Variants in UVSSA observed in about 807,000 individuals in gnomAD.
UVSSA encodes UV stimulated scaffold protein A.
UVSSA carries 72 observed loss-of-function variants against 73.9 expected under a neutral mutation model. That is an observed-to-expected ratio of 0.97 (90% CI 0.81 to 1.19). The LOEUF (loss-of-function observed/expected upper bound fraction) is 1.19. Among genes scored for constraint, UVSSA ranks in the 50% most tolerant of loss-of-function variants. The pLI, the probability that UVSSA is intolerant of heterozygous loss-of-function variation, is 0.00. For missense variants in UVSSA, 1,150 were observed against 965.0 expected (o/e 1.19, Z -2.54); for synonymous variants, 454 against 391.3 (o/e 1.16, Z -1.89).
intron 7 of UVSSA, among the ~76,000 whole-genome samples, chr4:1,362,754 G>A (rs555917691): frequency 1.2e-3 from 185 of 152,310 alleles, no homozygotes; most frequent in Non-Finnish European, 2.0e-3. Context: ...AACTGGAGGC[G>A]TGTGGGACCA....
In UVSSA at chr4:1,386,917, C is replaced by T. The variant is rs988728737; in HGVS notation, c.*956C>T. 1.3e-5 allele frequency: 2 copies of T among 151,704 alleles called. No individual in the cohort carries two copies. The highest frequency in any genetic ancestry group is 2.9e-5 in the Non-Finnish European group (2 of 67,972). 9.4% of individuals were successfully genotyped at this position (151,704 alleles called of 1,614,324 possible). On this transcript the variant is annotated 3_prime_UTR_variant, in exon 14 of 14. Transcript: ENST00000389851. ...AATTTTTTGTAGAGATGAGGTCTCA[C>T]TGTGTTGCCCACGGTGATCTCGAAC...
rs188495078 is a variant in UVSSA, at chr4:1,371,687, G to A, written c.1289-3677G>A. 3.3e-5 allele frequency among the ~76,000 whole-genome samples: 5 copies of A among 152,298 alleles called. No individual in the cohort carries two copies. The South Asian group carries it at 6.2e-4, about 19-fold the overall frequency. Reference sequence around the variant, plus strand: ...AGAGGGCTTGTGCGGAGAAACTCCCGCTTTTACAGCCGTCAGATCTCGTGA... The same window carrying A: ...AGAGGGCTTGTGCGGAGAAACTCCCACTTTTACAGCCGTCAGATCTCGTGA... On this transcript the variant is annotated intron_variant, in intron 8 of 13. Coordinates refer to ENST00000389851, the MANE Select transcript of UVSSA (RefSeq NM_020894.4).
chr4:1,360,225 A>G (rs186971428), intron 7 of UVSSA, among the ~76,000 whole-genome samples: 166 of 152,292 alleles, frequency 1.1e-3, no homozygotes, highest in African/African-American at 3.8e-3. Context: ...CAGCACAGGG[A>G]ACACGGGGAG....
chr4:1,394,419 C>T, exon 14 of UVSSA: 1 of 1,575,868 alleles, frequency 6.3e-7, no homozygotes, highest in Non-Finnish European at 8.7e-7. Context: ...ATATTGAAAT[C>T]ATTGATCTAC....
chr4:1,383,997 C>T lies in UVSSA; in HGVS notation c.2036+57C>T, dbSNP rs893379752. On this transcript the variant is annotated intron_variant, in intron 13 of 13. Coordinates refer to ENST00000389851, the MANE Select transcript of UVSSA (RefSeq NM_020894.4). ...CGTGGCCCCCCCGTGTGAGGGTGTT[C>T]GAGGGGGGCCATCTGAGCGCCAAGA... The T allele has an allele frequency of 5.2e-5, 80 of 1,526,220 alleles. 1 individual carries two copies. Among genetic ancestry groups the T allele is most frequent in the East Asian group, 1.6e-4 (7 of 43,096 alleles). The allele number at this position is 1,526,220 out of a possible 1,614,324, so 94.5% of individuals were successfully genotyped here. A position where few individuals can be genotyped will look rare whatever the true frequency, so the allele number is the denominator to read the frequency against.
chr4:1,392,406 G>C (rs1033688026), downstream of UVSSA: 1 of 152,240 alleles, frequency 6.6e-6, no homozygotes, highest in Non-Finnish European at 1.5e-5. Flanking sequence ...TGCTCTTTGT[G>C]TGGATTTGAG....
intron 6 of UVSSA, 131 bp downstream of exon 6, chr4:1,354,978 C>G: frequency 6.5e-7 from 1 of 1,527,420 alleles, no homozygotes; most frequent in South Asian, 1.2e-5. Flanking sequence ...CTCTGTCCCT[C>G]ACCCGCAGCT....
Position 1,386,321 on chromosome 4 carries a change from C to T in UVSSA, c.*360C>T, listed in dbSNP as rs116685682. On this transcript the variant is annotated 3_prime_UTR_variant, in exon 14 of 14. Coordinates refer to ENST00000389851, the MANE Select transcript of UVSSA (RefSeq NM_020894.4). ...CTCAGCCTTCAGAGCGTGCATTCCCCAGCCAGGAGGCGACCACTCAGAGGA... is the reference window on the plus strand; with the variant it reads ...CTCAGCCTTCAGAGCGTGCATTCCCTAGCCAGGAGGCGACCACTCAGAGGA... The T allele has an allele frequency of 0.012, 2,371 of 202,370 alleles. 53 individuals carry two copies. The highest frequency in any genetic ancestry group is 0.059 in the Admixed American group (1,104 of 18,862). 12.5% of individuals were successfully genotyped at this position (202,370 alleles called of 1,614,324 possible). A position where few individuals can be genotyped will look rare whatever the true frequency, so the allele number is the denominator to read the frequency against.
chr4:1,373,366 T>C (rs1447041735), intron 8 of UVSSA, among the ~76,000 whole-genome samples: 2 of 152,120 alleles, frequency 1.3e-5, no homozygotes, highest in African/African-American at 2.4e-5. Context: ...GTCCCTCCTT[T>C]TCACGTTTGC....
At chr4:1,368,990 C>A (rs1717686808) in intron 8 of UVSSA, among the ~76,000 whole-genome samples, 1 of 152,184 alleles carries the variant, frequency 6.6e-6, no homozygotes, top group African/African-American at 2.4e-5. Flanking sequence ...GTGCCTTAGA[C>A]CTGCCCCGGT....
intron 8 of UVSSA, among the ~76,000 whole-genome samples, chr4:1,368,768 G>C (rs138862158): frequency 3.3e-5 from 5 of 152,378 alleles, no homozygotes; most frequent in Admixed American, 2.0e-4. Context: ...TGTGTCTCCA[G>C]CTCAGGCCCC....
In UVSSA at chr4:1,375,360, T is replaced by G. The variant is rs1046777236; in HGVS notation, c.1289-4T>G. On this transcript the variant is annotated splice_polypyrimidine_tract_variant and splice_region_variant and intron_variant, in intron 8 of 13. Coordinates refer to ENST00000389851, the MANE Select transcript of UVSSA (RefSeq NM_020894.4). ...GGCAGGGAGTGGACACGTGTCTGTT[T>G]CAGGGCTGGAGGCAGCACCAGAGAA... 2 of 1,613,106 alleles carry G rather than the reference T, an allele frequency of 1.2e-6. No individual in the cohort carries two copies. The highest frequency in any genetic ancestry group is 1.6e-4 in the Middle Eastern group (1 of 6,072).
intron 8 of UVSSA, 21 bp from the exon 9 acceptor site, chr4:1,375,343 G>A (rs757795067): frequency 2.5e-6 from 4 of 1,612,034 alleles, no homozygotes; most frequent in Non-Finnish European, 2.5e-6. Flanking sequence ...GTGGCAGGGA[G>A]TGGACACGTG....
chr4:1,383,988 G>A (rs773956188), intron 13 of UVSSA, 48 bp downstream of exon 13: 66 of 1,540,618 alleles, frequency 4.3e-5, no homozygotes, highest in Non-Finnish European at 5.3e-5. Flanking sequence ...CCCCCCGTGT[G>A]AGGGTGTTCG....
At chr4:1,372,669 T>TCCTCCCGCGTCCCTGCACTCA (rs1418438791) in intron 8 of UVSSA, among the ~76,000 whole-genome samples, 58 of 107,482 alleles carry the variant, frequency 5.4e-4, no homozygotes, top group African/African-American at 2.7e-3. Context: ...TGCTCAGTGT[T>TCCTCCCGCGTCCCTGCACTCA]CCTCCCGCGT....
At position 1,347,364 on chromosome 4, in the gene UVSSA, G is replaced by A. The variant is rs898108106; in HGVS notation, c.-399G>A. The A allele has an allele frequency of 2.0e-5, 3 of 152,036 alleles. No individual in the cohort carries two copies. Among genetic ancestry groups the A allele is most frequent in the South Asian group, 2.1e-4 (1 of 4,840 alleles). The allele number at this position is 152,036 out of a possible 1,614,324, so 9.4% of individuals were successfully genotyped here. A position where few individuals can be genotyped will look rare whatever the true frequency, so the allele number is the denominator to read the frequency against. ...GAGAGCGCCGGCGGCGGGGCCGGAG[G>A]GCGGGCCCTGGGCCGAGTGACAGGC... On this transcript the variant is annotated 5_prime_UTR_variant, in exon 1 of 14. Coordinates refer to ENST00000389851, the MANE Select transcript of UVSSA (RefSeq NM_020894.4).
In UVSSA at chr4:1,376,169, G is replaced by C; in HGVS notation, c.1568+1G>C. On this transcript the variant is annotated splice_donor_variant, in intron 10 of 13. Transcript: ENST00000389851. LOFTEE classifies it high-confidence loss of function. ...TCCCCACAGCCGGGAAGATTGTCAA[G>C]TGAGTCCCCATGTGTCTGAAGTCGG... is the stretch of plus-strand genomic sequence containing the variant. 6.2e-7 allele frequency: 1 copy of C among 1,609,424 alleles called. No individual in the cohort carries two copies. Among genetic ancestry groups the C allele is most frequent in the Non-Finnish European group, 8.5e-7 (1 of 1,178,034 alleles).
At chr4:1,392,473 T>C (rs1268472058), downstream of UVSSA, 1 of 152,268 alleles carries the variant, frequency 6.6e-6, no homozygotes, top group Non-Finnish European at 1.5e-5. Context: ...CTTCTAGCAA[T>C]GAATTCTCTT....
At chr4:1,354,948 T>C in intron 6 of UVSSA, 101 bp downstream of exon 6, 1 of 1,532,846 alleles carries the variant, frequency 6.5e-7, no homozygotes, top group Non-Finnish European at 8.8e-7. Context: ...GGTGACTGAA[T>C]GGCCCTTAAC....
Sources: allele counts gnomAD v4.1 joint callset (sites outside exome capture counted in the v4.1 genomes callset), GRCh38; gene constraint gnomAD v4.1.1; transcripts MANE v1.5; gene names NCBI Gene and HGNC (gene_info 2026-07-23, HGNC 2026-07-21).